The following TLCD4 variants were observed in gnomAD, a reference collection of about 807,000 sequenced individuals.
TLCD4 encodes TLC domain-containing protein 4.
A neutral mutation model predicts 24.2 loss-of-function variants in TLCD4; 7 were observed. That is an observed-to-expected ratio of 0.29 (90% CI 0.16 to 0.54). The LOEUF (loss-of-function observed/expected upper bound fraction) is 0.54, where lower values mean the gene tolerates loss of function less well. TLCD4 is among the 20% of genes least tolerant of loss of function. The pLI, the probability that TLCD4 is intolerant of heterozygous loss-of-function variation, is 0.95. For synonymous variants in TLCD4, 103 were observed against 106.4 expected, an observed-to-expected ratio of 0.97 and a Z score of 0.20; for missense variants, 259 against 313.9, an observed-to-expected ratio of 0.82 and a Z score of 1.32.
At chr1:95,117,060 T>G (rs1018935611), upstream of TLCD4, among the ~76,000 whole-genome samples, 2 of 152,212 alleles carry the variant, frequency 1.3e-5, no homozygotes, top group Admixed American at 1.3e-4. Context: ...TTTTGTTACG[T>G]GGCTAGCCCA....
chr1:95,141,776 C>T (rs973400262), intron 1 of TLCD4, among the ~76,000 whole-genome samples: 4 of 132,476 alleles, frequency 3.0e-5, no homozygotes, highest in African/African-American at 8.0e-5. Flanking sequence ...ATTGTAATAT[C>T]AATATTTTTA....
intron 1 of TLCD4, among the ~76,000 whole-genome samples, chr1:95,123,254 A>T (rs930564393): frequency 3.3e-5 from 5 of 152,240 alleles, no homozygotes; most frequent in African/African-American, 1.2e-4. Flanking sequence ...GTTTAGAATG[A>T]GGTTTCCTTC....
At chr1:95,092,613 T>G in the TLCD4 span, among the ~76,000 whole-genome samples, 1 of 152,184 alleles carries the variant, frequency 6.6e-6, no homozygotes, top group South Asian at 2.1e-4. Context: ...ACCGCGAAGG[T>G]CTGCAGCTTC....
At chr1:95,097,543 G>C in the TLCD4 span, among the ~76,000 whole-genome samples, 1 of 152,228 alleles carries the variant, frequency 6.6e-6, no homozygotes, top group African/African-American at 2.4e-5. Context: ...GCCAGGAAAA[G>C]GAGGTAGTCC....
intron 6 of TLCD4, among the ~76,000 whole-genome samples, chr1:95,184,341 C>T (rs1002707169): frequency 2.4e-5 from 2 of 82,962 alleles, no homozygotes; most frequent in Non-Finnish European, 5.0e-5. Flanking sequence ...TGTCCCTGTC[C>T]TCTTTTCTCA....
chr1:95,168,357 C>G (rs1391655493), intron 5 of TLCD4, among the ~76,000 whole-genome samples: 1 of 151,992 alleles, frequency 6.6e-6, no homozygotes, highest in Non-Finnish European at 1.5e-5. Context: ...TCCCACATTC[C>G]CCTGCCTCTT....
intron 5 of TLCD4, among the ~76,000 whole-genome samples, chr1:95,171,308 C>T (rs1443403873): frequency 3.9e-5 from 6 of 152,024 alleles, no homozygotes; most frequent in Admixed American, 1.3e-4. Context: ...CTATCCTAGT[C>T]GTACCATTTT....
chr1:95,151,228 G>C, intron 4 of TLCD4, 97 bp from the exon 5 acceptor site: 1 of 1,203,474 alleles, frequency 8.3e-7, no homozygotes, highest in Non-Finnish European at 1.2e-6. Context: ...GCTCAGAGTG[G>C]ACAGTGATGA....
chr1:95,117,122 T>C (rs1395834891), upstream of TLCD4, among the ~76,000 whole-genome samples: 1 of 152,200 alleles, frequency 6.6e-6, no homozygotes, highest in Non-Finnish European at 1.5e-5. Context: ...CTGGCAAGTT[T>C]TGTGACTTGC....
upstream of TLCD4, among the ~76,000 whole-genome samples, chr1:95,117,152 G>A (rs1676446386): frequency 6.6e-6 from 1 of 152,202 alleles, no homozygotes; most frequent in South Asian, 2.1e-4. Context: ...CCCGGGAATT[G>A]CACCCTCTGC....
intron 5 of TLCD4, among the ~76,000 whole-genome samples, chr1:95,154,187 G>A (rs11165321): frequency 0.48 from 73,008 of 152,004 alleles, 19,810 homozygotes; most frequent in Non-Finnish European, 0.61. Flanking sequence ...TGATGCAAGA[G>A]AACTAGACAA....
chr1:95,165,662 T>C (rs1355447203), intron 5 of TLCD4, among the ~76,000 whole-genome samples: 1 of 152,204 alleles, frequency 6.6e-6, no homozygotes, highest in Admixed American at 6.5e-5. Flanking sequence ...AGACGGGGTT[T>C]CAACATGTTG....
chr1:95,174,740 A>G (rs1678362934), intron 6 of TLCD4, among the ~76,000 whole-genome samples: 2 of 152,162 alleles, frequency 1.3e-5, no homozygotes, highest in African/African-American at 4.8e-5. Context: ...GTAAATAACT[A>G]AACTAACAAT....
At chr1:95,105,524 A>G in the TLCD4 span, among the ~76,000 whole-genome samples, 1 of 152,202 alleles carries the variant, frequency 6.6e-6, no homozygotes, top group Admixed American at 6.5e-5. Context: ...TTGGATGAAT[A>G]TATTACTTCA....
At chr1:95,112,508 AG>A (rs1676359820), upstream of TLCD4, among the ~76,000 whole-genome samples, 1 of 152,202 alleles carries the variant, frequency 6.6e-6, no homozygotes. Context: ...TCAGACTACT[AG>A]GGAAAATGGA....
intron 6 of TLCD4, among the ~76,000 whole-genome samples, chr1:95,179,696 C>G (rs1678565251): frequency 6.6e-6 from 1 of 152,198 alleles, no homozygotes; most frequent in Non-Finnish European, 1.5e-5. Flanking sequence ...GTTAAAACCT[C>G]TCAGTGGCTC....
chr1:95,142,291 CT>C (rs33917874), intron 1 of TLCD4, among the ~76,000 whole-genome samples: 23,699 of 116,528 alleles, frequency 0.2, 2,257 homozygotes, highest in African/African-American at 0.3. Flanking sequence ...TTATAAAAAT[CT>C]TTTTTTTTTT....
intron 1 of TLCD4, among the ~76,000 whole-genome samples, chr1:95,128,985 C>T (rs570557982): frequency 1.3e-5 from 2 of 152,254 alleles, no homozygotes; most frequent in African/African-American, 2.4e-5. Flanking sequence ...CACCCCCAGC[C>T]TTTGAGTATG....
chr1:95,186,887 ATCAC>A (rs1323780710), intron 6 of TLCD4, among the ~76,000 whole-genome samples: 3 of 152,154 alleles, frequency 2.0e-5, no homozygotes, highest in African/African-American at 4.8e-5. Context: ...TGATATTTTA[ATCAC>A]TCAATAAAAT....
Sources: gnomAD v4.1 joint callset for allele counts (sites outside exome capture counted in the v4.1 genomes callset) on GRCh38, gnomAD v4.1.1 for gene constraint, MANE v1.5 for transcripts, NCBI Gene and HGNC (gene_info 2026-07-23, HGNC 2026-07-21) for gene names.